The following HOOK3 variants were observed in gnomAD, a reference collection of about 807,000 sequenced individuals.
HOOK3 encodes hook microtubule tethering protein 3, also known as protein Hook homolog 3.
In HOOK3, 24 loss-of-function variants were observed where a neutral mutation model predicts 116.3. That is an observed-to-expected ratio of 0.21 (90% CI 0.15 to 0.29). The LOEUF is 0.29. Among genes scored for constraint, HOOK3 ranks in the 10% least tolerant of loss-of-function variants. The probability of loss-of-function intolerance (pLI) is 1.00; values close to 1 mark genes in which losing one functional copy is unlikely to be tolerated. For missense variants in HOOK3, 632 were observed against 830.2 expected, an observed-to-expected ratio of 0.76 and a Z score of 2.93; for synonymous variants, 275 against 283.0, an observed-to-expected ratio of 0.97 and a Z score of 0.28.
At chr8:42,913,029 T>C (rs554435643) in intron 2 of HOOK3, among the ~76,000 whole-genome samples, 1 of 152,356 alleles carries the variant, frequency 6.6e-6, no homozygotes, top group South Asian at 2.1e-4. Flanking sequence ...TTGACTTCTT[T>C]AACTTACAGT....
At chr8:42,939,099 G>T (rs1356261477) in intron 4 of HOOK3, among the ~76,000 whole-genome samples, 1 of 152,128 alleles carries the variant, frequency 6.6e-6, no homozygotes. Context: ...AAAATGAAAA[G>T]TCTCCCATGT....
chr8:42,998,097 G>T (rs1237927932), intron 16 of HOOK3: 6 of 203,302 alleles, frequency 3.0e-5, no homozygotes, highest in Admixed American at 2.3e-4. Context: ...CCCGACACTG[G>T]CCCTTTTTTG....
At chr8:42,920,409 T>C (rs958847977) in intron 2 of HOOK3, among the ~76,000 whole-genome samples, 2 of 152,218 alleles carry the variant, frequency 1.3e-5, no homozygotes, top group Non-Finnish European at 2.9e-5. Context: ...TAATACTGAA[T>C]ATGAGAAGTC....
intron 6 of HOOK3, among the ~76,000 whole-genome samples, chr8:42,950,757 C>G (rs566773857): frequency 9.5e-4 from 145 of 151,980 alleles, no homozygotes; most frequent in African/African-American, 3.4e-3. Context: ...ACAATCTGGG[C>G]TCACTGCAAC....
chr8:42,918,432 A>G (rs1307355693), intron 2 of HOOK3, among the ~76,000 whole-genome samples: 1 of 152,052 alleles, frequency 6.6e-6, no homozygotes, highest in African/African-American at 2.4e-5. Flanking sequence ...TTTTTTTTAA[A>G]TTTTTTTAGT....
intron 13 of HOOK3, among the ~76,000 whole-genome samples, chr8:42,975,850 G>A (rs573831933): frequency 6.6e-6 from 1 of 151,926 alleles, no homozygotes. Context: ...GGACTACAGG[G>A]GTGTGCCACC....
At chr8:42,917,107 C>T (rs1292308307) in intron 2 of HOOK3, among the ~76,000 whole-genome samples, 1 of 152,212 alleles carries the variant, frequency 6.6e-6, no homozygotes, top group African/African-American at 2.4e-5. Flanking sequence ...GAATGACTCA[C>T]AGCACTCCAG....
At chr8:42,898,758 A>G (rs991877395) in intron 1 of HOOK3, among the ~76,000 whole-genome samples, 8 of 152,206 alleles carry the variant, frequency 5.3e-5, no homozygotes, top group Non-Finnish European at 7.3e-5. Flanking sequence ...TTAACTTGCG[A>G]TGGGGTTACA....
intron 13 of HOOK3, among the ~76,000 whole-genome samples, chr8:42,979,247 A>G (rs1021045319): frequency 1.3e-5 from 2 of 152,322 alleles, no homozygotes; most frequent in Admixed American, 1.3e-4. Context: ...ACTCCAGCAT[A>G]GGTGACCGAG....
chr8:43,007,917 T>C lies in HOOK3; in HGVS notation c.1726T>C (p.Phe576Leu), dbSNP rs749130524. 6.3e-7 allele frequency: 1 copy of C among 1,591,440 alleles called. No individual in the cohort carries two copies. The highest frequency in any genetic ancestry group is 8.6e-7 in the Non-Finnish European group (1 of 1,165,028). The change falls in exon 18 of 22, where the codon TTT becomes CTT. Residue 576 changes from phenylalanine (F) to leucine (L), a missense_variant. By Grantham distance (22) the Phe-to-Leu change is conservative (BLOSUM62 0). Around this residue, in one of 3 missense-constraint regions of HOOK3, gnomAD observed 483 missense variants for 648.1 expected, o/e 0.75. Transcript: ENST00000307602. ...CATTATTGAAGATCTCGAGCCAAGA[T>C]TTAACAACAGCTGTGAGTTTTCCTA... ...RAIIEDLEPR[F>L]NNSSLKIEEL... is the part of the protein sequence containing the mutation.
chr8:43,020,440 G>A lies in HOOK3; in HGVS notation c.*1942G>A, dbSNP rs1401115383. 1.6e-5 allele frequency: 3 copies of A among 187,866 alleles called. No individual in the cohort carries two copies. Among genetic ancestry groups the A allele is most frequent in the African/African-American group, 2.3e-5 (1 of 42,792 alleles). The allele number at this position is 187,866 out of a possible 1,614,324, so 11.6% of individuals were successfully genotyped here. A position where few individuals can be genotyped will look rare whatever the true frequency, so the allele number is the denominator to read the frequency against. On this transcript the variant is annotated 3_prime_UTR_variant, in exon 22 of 22. Transcript: ENST00000307602. Reference sequence around the variant, plus strand: ...TTTTTAAAGCAAATTGGGGCCAGACGTGGTGCCTCACGCCTGCAATCTCAC... The same window carrying A: ...TTTTTAAAGCAAATTGGGGCCAGACATGGTGCCTCACGCCTGCAATCTCAC...
Position 43,010,027 on chromosome 8 carries a change from C to T in HOOK3, c.1739-278C>T, listed in dbSNP as rs563302702. On this transcript the variant is annotated intron_variant, in intron 18 of 21. Transcript: ENST00000307602. ...ATCTATGTACTACATTTTGTTTATC[C>T]ATTCATCCCTCATGGATTCTTTATT... Among the ~76,000 whole-genome samples the T allele has an allele frequency of 9.3e-5, 14 of 150,686 alleles. No individual in the cohort carries two copies. In the South Asian group the frequency reaches 2.9e-3, roughly 32 times the overall value.
At chr8:43,006,646 G>T (rs1809497187) in intron 17 of HOOK3, among the ~76,000 whole-genome samples, 1 of 152,154 alleles carries the variant, frequency 6.6e-6, no homozygotes, top group Admixed American at 6.6e-5. Flanking sequence ...TAACATGGTA[G>T]TGATTCATTG....
At chr8:42,900,677 G>A (rs1367479001) in intron 1 of HOOK3, among the ~76,000 whole-genome samples, 2 of 152,190 alleles carry the variant, frequency 1.3e-5, no homozygotes, top group African/African-American at 4.8e-5. Context: ...TAGCATAAGA[G>A]TACATACAGG....
rs905345455 is a variant in HOOK3, at chr8:42,965,011, C to T, written c.779+537C>T. 5.9e-5 allele frequency among the ~76,000 whole-genome samples: 9 copies of T among 152,192 alleles called. 1 individual carries two copies. The highest frequency in any genetic ancestry group is 1.2e-4 in the Non-Finnish European group (8 of 68,030). On this transcript the variant is annotated intron_variant, in intron 9 of 21. Coordinates refer to ENST00000307602, the MANE Select transcript of HOOK3 (RefSeq NM_032410.4). The stretch of plus-strand genomic sequence containing the variant: ...GGCAGAATGCCGCAACTATAGGATA[C>T]CTGAGTGAGAGGGAGTACCCCACAC...
At chr8:42,998,037 T>C (rs1809313001) in intron 16 of HOOK3, 1 of 240,306 alleles carries the variant, frequency 4.2e-6, no homozygotes, top group African/African-American at 2.3e-5. Context: ...CTGCCGTCCC[T>C]AGTATTGCAT....
chr8:42,974,054 G>T, intron 12 of HOOK3, 53 bp from the exon 13 acceptor site: 3 of 1,284,896 alleles, frequency 2.3e-6, no homozygotes, highest in Non-Finnish European at 3.4e-6. Context: ...GGCCACTGAT[G>T]AATAAATTCT....
At chr8:42,942,045 G>A (rs1342805438) in intron 4 of HOOK3, among the ~76,000 whole-genome samples, 1 of 152,124 alleles carries the variant, frequency 6.6e-6, no homozygotes, top group Non-Finnish European at 1.5e-5. Flanking sequence ...GATTACTTGA[G>A]GTCAGGAGTT....
In HOOK3 at chr8:43,018,551, A is replaced by G. The variant is rs1197796058; in HGVS notation, c.*53A>G. 2.7e-6 allele frequency: 4 copies of G among 1,455,248 alleles called. No homozygotes were observed. The East Asian group carries it at 9.8e-5, about 35-fold the overall frequency. The allele number at this position is 1,455,248 out of a possible 1,614,324, so 90.1% of individuals were successfully genotyped here. On this transcript the variant is annotated 3_prime_UTR_variant, in exon 22 of 22. Transcript: ENST00000307602. ...CCTGCACCCACAACATACTTCTGTT[A>G]CACACAAGAACATTTCAGGAAACTC...
Sources: allele counts gnomAD v4.1 joint callset (sites outside exome capture counted in the v4.1 genomes callset), GRCh38; gene constraint gnomAD v4.1.1; regional missense constraint gnomAD v4.1.1; transcripts MANE v1.5; gene names NCBI Gene and HGNC (gene_info 2026-07-23, HGNC 2026-07-21).